Variants in MRPL45 observed in about 807,000 individuals in gnomAD.
MRPL45 encodes the protein mitochondrial ribosomal protein L45.
A neutral mutation model predicts 38.1 loss-of-function variants in MRPL45; 20 were observed. The observed-to-expected ratio is 0.53, with a 90% CI of 0.37 to 0.76. The LOEUF (loss-of-function observed/expected upper bound fraction) is 0.76. Ranked by LOEUF, MRPL45 falls within the 30% of genes least tolerant of loss-of-function variation. The pLI, the probability that MRPL45 is intolerant of heterozygous loss-of-function variation, is 0.00. For missense variants in MRPL45, 337 were observed against 395.6 expected, an observed-to-expected ratio of 0.85 and a Z score of 1.26; for synonymous variants, 105 against 128.8, an observed-to-expected ratio of 0.82 and a Z score of 1.25.
intron 4 of MRPL45, among the ~76,000 whole-genome samples, chr17:38,313,348 G>GTA (rs1194428266): frequency 3.3e-4 from 6 of 18,070 alleles, no homozygotes; most frequent in African/African-American, 1.2e-3. Flanking sequence ...ATATATATAC[G>GTA]TATATATATA....
intron 1 of MRPL45, 54 bp downstream of exon 1, chr17:38,297,303 C>G: frequency 6.6e-7 from 1 of 1,507,102 alleles, no homozygotes; most frequent in Non-Finnish European, 9.2e-7. Flanking sequence ...AGGACAGAGT[C>G]GAGGGAAATA....
intron 6 of MRPL45, among the ~76,000 whole-genome samples, chr17:38,321,023 C>G (rs1383908007): frequency 3.9e-5 from 6 of 151,966 alleles, no homozygotes; most frequent in African/African-American, 1.4e-4. Flanking sequence ...GTCACCCAGG[C>G]TGGAGTGCAG....
chr17:38,306,756 T>C (rs2037059582), intron 4 of MRPL45, 125 bp downstream of exon 4: 1 of 953,450 alleles, frequency 1.0e-6, no homozygotes, highest in Admixed American at 2.8e-5. Context: ...GTAAGAGATC[T>C]AGAGTGAGAG....
Position 38,306,275 on chromosome 17 carries a change from C to T in MRPL45, c.363-258C>T, listed in dbSNP as rs901968900. 4.0e-5 allele frequency among the ~76,000 whole-genome samples: 6 copies of T among 151,874 alleles called. No individual in the cohort carries two copies. In the South Asian group the frequency reaches 8.4e-4, roughly 21 times the overall value. ...ATACAAAAATTTAGCCGCGTGTGGT[C>T]GCGGGCGCCTGTAGTGCCAGCTACT... On this transcript the variant is annotated intron_variant, in intron 3 of 7. Transcript: ENST00000613675.
At chr17:38,312,333 AC>A (rs1385670555) in intron 4 of MRPL45, among the ~76,000 whole-genome samples, 1 of 152,142 alleles carries the variant, frequency 6.6e-6, no homozygotes, top group Admixed American at 6.6e-5. Context: ...GGTGTGAGCC[AC>A]CGTGCCCAGC....
chr17:38,318,793 C>T (rs994098753), intron 5 of MRPL45, 58 bp downstream of exon 5: 1 of 1,158,910 alleles, frequency 8.6e-7, no homozygotes. Flanking sequence ...TTCTAGATGG[C>T]GTCTCTGGTT....
At chr17:38,301,366 G>A (rs1425360164) in intron 3 of MRPL45, among the ~76,000 whole-genome samples, 5 of 151,988 alleles carry the variant, frequency 3.3e-5, no homozygotes, top group Non-Finnish European at 5.9e-5. Context: ...CTCAGCTCCC[G>A]AGTAGCTGGG....
At chr17:38,302,509 T>A (rs1226800981) in intron 3 of MRPL45, among the ~76,000 whole-genome samples, 3 of 69,998 alleles carry the variant, frequency 4.3e-5, no homozygotes, top group Non-Finnish European at 6.7e-5. Context: ...AAAAAAAGTT[T>A]GTTTTTTTTT....
chr17:38,299,184 G>A (rs1598969379), intron 2 of MRPL45, among the ~76,000 whole-genome samples, 167 bp from the exon 3 acceptor site: 2 of 151,958 alleles, frequency 1.3e-5, no homozygotes, highest in South Asian at 4.2e-4. Context: ...CACTGTGCCC[G>A]GCCTTGTTTT....
chr17:38,320,148 G>T (rs1171156216), intron 5 of MRPL45, among the ~76,000 whole-genome samples: 1 of 152,088 alleles, frequency 6.6e-6, no homozygotes, highest in Non-Finnish European at 1.5e-5. Context: ...TCTATCAGTA[G>T]AACTTCAGTT....
rs1338694299 is a variant in MRPL45, at chr17:38,322,264, C to G, written c.799C>G (p.Pro267Ala). ...GSWRMHTKIV[P>A]PWAPPKQPIL... ...CTGGAGAATGCATACCAAGATCGTT[C>G]CCCCATGGGCACCCCCTAAGCAGCC... The change falls in exon 7 of 8, where the codon CCC becomes GCC. Residue 267 changes from proline to alanine, a missense_variant. This residue lies in a region of MRPL45 where 251 missense variants were observed against 269.1 expected (regional missense o/e 0.93). Transcript: ENST00000613675. 1.2e-6 allele frequency: 2 copies of G among 1,614,070 alleles called. No homozygotes were observed. The highest frequency in any genetic ancestry group is 1.7e-6 in the Non-Finnish European group (2 of 1,179,998).
chr17:38,312,972 TC>T (rs2037126979), intron 4 of MRPL45, among the ~76,000 whole-genome samples: 1 of 145,138 alleles, frequency 6.9e-6, no homozygotes, highest in Non-Finnish European at 1.5e-5. Flanking sequence ...CCTATTACTT[TC>T]CTTTTTATTG....
intron 3 of MRPL45, among the ~76,000 whole-genome samples, chr17:38,304,666 C>T (rs137979325): frequency 0.016 from 2,458 of 152,160 alleles, 34 homozygotes; most frequent in Non-Finnish European, 0.024. Context: ...GCCTCAGTCT[C>T]CTGAGTAGCT....
chr17:38,313,297 TAAAAA>T (rs879236168), intron 4 of MRPL45, among the ~76,000 whole-genome samples: 3,139 of 18,508 alleles, frequency 0.17, 178 homozygotes, highest in Middle Eastern at 0.47. Context: ...TCCTTTCTAT[TAAAAA>T]AAAAAAAAAA....
intron 4 of MRPL45, among the ~76,000 whole-genome samples, chr17:38,308,962 A>G (rs950072829): frequency 6.6e-6 from 1 of 150,586 alleles, no homozygotes; most frequent in African/African-American, 2.4e-5. Flanking sequence ...GCTGGAGTGC[A>G]GTAGCGCAAT....
intron 4 of MRPL45, among the ~76,000 whole-genome samples, chr17:38,313,141 C>T (rs1244132488): frequency 3.4e-5 from 5 of 148,964 alleles, no homozygotes; most frequent in African/African-American, 4.9e-5. Context: ...CCTGCCACCA[C>T]ACCCGGCTAA....
intron 4 of MRPL45, among the ~76,000 whole-genome samples, chr17:38,308,881 AAAGTTT>A (rs1330962192): frequency 6.8e-6 from 1 of 146,986 alleles, no homozygotes; most frequent in Non-Finnish European, 1.5e-5. Flanking sequence ...TCATTTTGTT[AAAGTTT>A]ATTTTTACTT....
intron 3 of MRPL45, among the ~76,000 whole-genome samples, chr17:38,301,105 G>C (rs1469148382): frequency 6.6e-6 from 1 of 151,934 alleles, no homozygotes; most frequent in Non-Finnish European, 1.5e-5. Flanking sequence ...ATCATTCTTT[G>C]TCCTTATTCC....
chr17:38,309,589 CTATGGG>C (rs1287301066), intron 4 of MRPL45, among the ~76,000 whole-genome samples: 2 of 147,394 alleles, frequency 1.4e-5, no homozygotes, highest in Non-Finnish European at 3.0e-5. Flanking sequence ...TATGATTTAT[CTATGGG>C]TATCTGTCTT....
Sources: gnomAD v4.1 joint callset for allele counts (sites outside exome capture counted in the v4.1 genomes callset) on GRCh38, gnomAD v4.1.1 for gene constraint, gnomAD v4.1.1 regional missense constraint, MANE v1.5 for transcripts, NCBI Gene and HGNC (gene_info 2026-07-23, HGNC 2026-07-21) for gene names.